The following RORA variants were observed in gnomAD, a reference collection of about 807,000 sequenced individuals.
RORA encodes the protein nuclear receptor ROR-alpha.
RORA carries 7 observed loss-of-function variants against 69.5 expected under a neutral mutation model. That is an observed-to-expected ratio of 0.10 (90% confidence interval 0.06 to 0.19). The LOEUF (loss-of-function observed/expected upper bound fraction) is 0.19. RORA is among the 10% of genes least tolerant of loss of function. The pLI is 1.00. For synonymous variants in RORA, 261 were observed against 240.8 expected, an observed-to-expected ratio of 1.08 and a Z score of -0.78; for missense variants, 457 against 663.0, an observed-to-expected ratio of 0.69 and a Z score of 3.41.
intron 1 of RORA, among the ~76,000 whole-genome samples, chr15:61,168,213 C>T (rs913044670): frequency 2.3e-4 from 34 of 144,950 alleles, no homozygotes; most frequent in African/African-American, 6.1e-4. Context: ...CGCGTGCGTG[C>T]GTGCGTGTGT....
intron 1 of RORA, among the ~76,000 whole-genome samples, chr15:60,977,765 T>C (rs1893919644): frequency 6.6e-6 from 1 of 152,232 alleles, no homozygotes; most frequent in African/African-American, 2.4e-5. Flanking sequence ...TGAAGGTTAA[T>C]CCATGAGGTA....
At chr15:61,174,688 T>C (rs534047903) in intron 1 of RORA, among the ~76,000 whole-genome samples, 1 of 152,330 alleles carries the variant, frequency 6.6e-6, no homozygotes, top group African/African-American at 2.4e-5. Context: ...TGACTACACC[T>C]TCCCAGGCTC....
At chr15:61,042,404 A>T (rs571243622) in intron 1 of RORA, among the ~76,000 whole-genome samples, 48 of 151,992 alleles carry the variant, frequency 3.2e-4, no homozygotes, top group African/African-American at 1.1e-3. Flanking sequence ...CATACACACA[A>T]ACACACAAAC....
At chr15:60,557,400 A>T (rs2067399287) in intron 2 of RORA, among the ~76,000 whole-genome samples, 1 of 152,334 alleles carries the variant, frequency 6.6e-6, no homozygotes, top group Admixed American at 6.5e-5. Flanking sequence ...AGCAGCAAAA[A>T]TCACAGAGGT....
rs546107964 is a variant in RORA, at chr15:61,191,362, T to C, written c.166+37691A>G. Among the ~76,000 whole-genome samples, 5 of 32,308 alleles carry C rather than the reference T, an allele frequency of 1.5e-4. No individual in the cohort carries two copies. The South Asian group carries it at 7.2e-3, about 47-fold the overall frequency. 21.2% of individuals were successfully genotyped at this position (32,308 alleles called of 152,430 possible). On this transcript the variant is annotated intron_variant, in intron 1 of 10. Transcript: ENST00000335670. Reference sequence around the variant, plus strand: ...GCACACCTAGGCTGCCATCTCCTTGTAGCAAAAAAAAAAAAAAAAGAAAGA... The same window carrying C: ...GCACACCTAGGCTGCCATCTCCTTGCAGCAAAAAAAAAAAAAAAAGAAAGA...
At chr15:61,127,435 A>T (rs2079153048) in intron 1 of RORA, among the ~76,000 whole-genome samples, 1 of 152,218 alleles carries the variant, frequency 6.6e-6, no homozygotes, top group African/African-American at 2.4e-5. Context: ...TCCACATGTG[A>T]TGTTCACACC....
intron 1 of RORA, among the ~76,000 whole-genome samples, chr15:60,979,063 A>G (rs989836378): frequency 5.0e-5 from 7 of 141,166 alleles, no homozygotes; most frequent in African/African-American, 1.8e-4. Flanking sequence ...CCAGGTTCAC[A>G]CCATTCTCCT....
At chr15:60,801,491 T>G (rs2072580692) in intron 1 of RORA, among the ~76,000 whole-genome samples, 1 of 152,176 alleles carries the variant, frequency 6.6e-6, no homozygotes, top group Non-Finnish European at 1.5e-5. Context: ...AGAATGAGCG[T>G]TTTTTTCCTA....
intron 1 of RORA, among the ~76,000 whole-genome samples, chr15:60,871,157 G>C (rs541177883): frequency 6.6e-6 from 1 of 152,264 alleles, no homozygotes; most frequent in South Asian, 2.1e-4. Flanking sequence ...GTCTACAAAA[G>C]GAGATGGGTT....
At position 61,147,088 on chromosome 15, in the gene RORA, C is replaced by T. The variant is rs984221249; in HGVS notation, c.166+81965G>A. Among the ~76,000 whole-genome samples the T allele has an allele frequency of 6.6e-6, 1 of 152,116 alleles. No homozygotes were observed. The highest frequency in any genetic ancestry group is 6.5e-5 in the Admixed American group (1 of 15,284). On this transcript the variant is annotated intron_variant, in intron 1 of 10. Coordinates refer to ENST00000335670, the MANE Select transcript of RORA (RefSeq NM_134261.3). This position sits in a 1 kb window ranked among gnomAD's most constrained non-coding sequence, Gnocchi z 4.1. ...CTCTGAGTGCTTGGAGAGCACCAAGCGGGCCAGACATCACAATAGGTTAGA... is the reference window on the plus strand; with the variant it reads ...CTCTGAGTGCTTGGAGAGCACCAAGTGGGCCAGACATCACAATAGGTTAGA...
At chr15:60,720,673 C>A (rs1346105673) in intron 1 of RORA, among the ~76,000 whole-genome samples, 1 of 152,096 alleles carries the variant, frequency 6.6e-6, no homozygotes, top group Non-Finnish European at 1.5e-5. Flanking sequence ...GACAAGGCCT[C>A]CTATTAATTT....
At chr15:60,524,312 T>C (rs997975869) in intron 3 of RORA, among the ~76,000 whole-genome samples, 3 of 152,190 alleles carry the variant, frequency 2.0e-5, no homozygotes, top group African/African-American at 4.8e-5. Flanking sequence ...ACTAAAGATA[T>C]CTTTCTAAAA....
chr15:61,159,833 A>G (rs1003308591), intron 1 of RORA, among the ~76,000 whole-genome samples: 1 of 152,212 alleles, frequency 6.6e-6, no homozygotes, highest in African/African-American at 2.4e-5. Flanking sequence ...CCTATTGTGA[A>G]TGAAAAGCAT....
intron 2 of RORA, among the ~76,000 whole-genome samples, chr15:60,664,894 T>C (rs1053595813): frequency 6.6e-6 from 1 of 152,214 alleles, no homozygotes; most frequent in African/African-American, 2.4e-5. Flanking sequence ...AAGAAAAAGT[T>C]ACAAACAAAA....
At chr15:60,631,767 C>T (rs1034217562) in intron 2 of RORA, among the ~76,000 whole-genome samples, 7 of 152,234 alleles carry the variant, frequency 4.6e-5, no homozygotes, top group African/African-American at 1.7e-4. Context: ...CCTCACTTCT[C>T]ACCCGCGAAC....
intron 1 of RORA, among the ~76,000 whole-genome samples, chr15:60,916,772 T>C (rs4775316): frequency 0.98 from 149,514 of 152,314 alleles, 73,445 homozygotes; most frequent in East Asian, 1. Flanking sequence ...AAGTTTAAGG[T>C]CAAGTGTTAG....
intron 1 of RORA, among the ~76,000 whole-genome samples, chr15:61,157,853 T>A (rs370475528): frequency 4.8e-4 from 73 of 152,162 alleles, no homozygotes; most frequent in East Asian, 1.5e-3. Context: ...AAACCCAGCA[T>A]TGGGATAATC....
chr15:60,617,243 A>G (rs1396264959), intron 2 of RORA, among the ~76,000 whole-genome samples: 5 of 152,150 alleles, frequency 3.3e-5, no homozygotes, highest in African/African-American at 1.2e-4. Flanking sequence ...TTTATTGCTC[A>G]TATTTGTTGA....
At chr15:60,635,582 T>C (rs1338694335) in intron 2 of RORA, among the ~76,000 whole-genome samples, 1 of 152,204 alleles carries the variant, frequency 6.6e-6, no homozygotes, top group African/African-American at 2.4e-5. Context: ...GATTAAAATA[T>C]ACTTTCTGCC....
Sources: gnomAD v4.1 joint callset for allele counts (sites outside exome capture counted in the v4.1 genomes callset) on GRCh38, gnomAD v4.1.1 for gene constraint, Gnocchi (gnomAD v3.1) non-coding constraint, MANE v1.5 for transcripts, NCBI Gene and HGNC (gene_info 2026-07-23, HGNC 2026-07-21) for gene names.